RFPL1: variants seen among roughly 807,000 people sequenced by gnomAD.
RFPL1 encodes the protein ret finger protein like 1, also known as ret finger protein-like 1.
Under a neutral mutation model 9.6 loss-of-function variants are expected in RFPL1, and 6 were observed. That is an observed-to-expected ratio of 0.62 (90% CI 0.34 to 1.23). The LOEUF (loss-of-function observed/expected upper bound fraction) is 1.23, where lower values mean the gene tolerates loss of function less well. Ranked by LOEUF, RFPL1 falls within the 50% of genes most tolerant of loss-of-function variation. The pLI is 0.03. For synonymous variants in RFPL1, 145 were observed against 149.4 expected (o/e 0.97, Z 0.22); for missense variants, 352 against 398.4 (o/e 0.88, Z 0.99).
At chr22:29,400,457 T>C in the RFPL1 span, among the ~76,000 whole-genome samples, 1 of 152,242 alleles carries the variant, frequency 6.6e-6, no homozygotes, top group African/African-American at 2.4e-5. Context: ...TCTCCCTTCT[T>C]GATTTTGTAT....
the RFPL1 span, among the ~76,000 whole-genome samples, chr22:29,428,330 A>G: frequency 6.6e-6 from 1 of 152,206 alleles, no homozygotes. Flanking sequence ...TTATAAATAT[A>G]TATGCACCTA....
At chr22:29,410,707 A>T in the RFPL1 span, among the ~76,000 whole-genome samples, 1 of 149,022 alleles carries the variant, frequency 6.7e-6, no homozygotes, top group Non-Finnish European at 1.5e-5. Flanking sequence ...GGCTGGGTTA[A>T]CATGGCACAA....
chr22:29,432,451 T>C, the RFPL1 span, among the ~76,000 whole-genome samples: 1 of 152,198 alleles, frequency 6.6e-6, no homozygotes, highest in Non-Finnish European at 1.5e-5. Flanking sequence ...TTGCTTCAGC[T>C]CAATTCCCCC....
At chr22:29,439,109 G>A (rs758135440) in exon 1 of RFPL1, 52 of 1,614,014 alleles carry the variant, frequency 3.2e-5, no homozygotes, top group Middle Eastern at 1.6e-4. Context: ...TCAAGGAACT[G>A]GAGCCCAAGC....
chr22:29,395,544 G>A, the RFPL1 span, among the ~76,000 whole-genome samples: 1 of 152,072 alleles, frequency 6.6e-6, no homozygotes, highest in African/African-American at 2.4e-5. Context: ...TGTCCTCAGT[G>A]CACCATTTCT....
At chr22:29,421,938 A>C in the RFPL1 span, among the ~76,000 whole-genome samples, 1 of 152,126 alleles carries the variant, frequency 6.6e-6, no homozygotes, top group Non-Finnish European at 1.5e-5. Context: ...AGACCAATAC[A>C]TGAAATGCCT....
chr22:29,410,380 A>AGATATATATATTG, the RFPL1 span, among the ~76,000 whole-genome samples: 3 of 88,602 alleles, frequency 3.4e-5, no homozygotes, highest in African/African-American at 1.4e-4. Context: ...ATCTATATAT[A>AGATATATATATTG]TAGATATATA....
the RFPL1 span, among the ~76,000 whole-genome samples, chr22:29,390,662 C>T: frequency 6.6e-6 from 1 of 151,728 alleles, no homozygotes; most frequent in African/African-American, 2.4e-5. Context: ...GTGGCTCGAT[C>T]TCGGCTCACT....
At chr22:29,398,548 C>G in the RFPL1 span, among the ~76,000 whole-genome samples, 1 of 152,190 alleles carries the variant, frequency 6.6e-6, no homozygotes, top group South Asian at 2.1e-4. Context: ...CCACATGGAT[C>G]TAGATCGGGA....
At chr22:29,405,792 G>C in the RFPL1 span, among the ~76,000 whole-genome samples, 1 of 152,108 alleles carries the variant, frequency 6.6e-6, no homozygotes. Flanking sequence ...CCCGTCCCTC[G>C]GGGCTAATGT....
the RFPL1 span, among the ~76,000 whole-genome samples, chr22:29,424,193 AC>A: frequency 1.3e-5 from 2 of 151,906 alleles, no homozygotes; most frequent in Non-Finnish European, 2.9e-5. Context: ...AAAAAAAAAG[AC>A]CATAGGACAA....
the RFPL1 span, among the ~76,000 whole-genome samples, chr22:29,410,450 A>ATAGAGAGATATATATTG: frequency 1.1e-5 from 1 of 87,130 alleles, no homozygotes; most frequent in African/African-American, 6.1e-5. Context: ...ATATCTATAT[A>ATAGAGAGATATATATTG]TAGATATATA....
the RFPL1 span, among the ~76,000 whole-genome samples, chr22:29,416,403 A>C: frequency 6.6e-6 from 1 of 151,926 alleles, no homozygotes; most frequent in African/African-American, 2.4e-5. Context: ...TTTTTGTATG[A>C]GCCTGTGTCA....
exon 2 of RFPL1, chr22:29,442,127 C>T (rs776510500): frequency 6.0e-6 from 9 of 1,512,074 alleles, no homozygotes; most frequent in Non-Finnish European, 8.0e-6. Context: ...AAATAAGCCC[C>T]CACTGCAAAA....
the RFPL1 span, among the ~76,000 whole-genome samples, chr22:29,401,676 A>T: frequency 6.6e-6 from 1 of 152,176 alleles, no homozygotes; most frequent in Non-Finnish European, 1.5e-5. Flanking sequence ...CTCCAGATGA[A>T]CATAGAGTAT....
At chr22:29,409,418 A>G in the RFPL1 span, among the ~76,000 whole-genome samples, 99,151 of 152,020 alleles carry the variant, frequency 0.65, 34,237 homozygotes, top group African/African-American at 0.88. Context: ...CTCCTTTGCC[A>G]TCCTTCAACA....
chr22:29,407,516 C>G, the RFPL1 span, among the ~76,000 whole-genome samples: 1 of 150,956 alleles, frequency 6.6e-6, no homozygotes, highest in African/African-American at 2.4e-5. Flanking sequence ...TAGAATTTAC[C>G]AGTGAAATCA....
the RFPL1 span, among the ~76,000 whole-genome samples, chr22:29,411,155 A>G: frequency 2.0e-5 from 3 of 152,174 alleles, no homozygotes; most frequent in Admixed American, 6.5e-5. Flanking sequence ...ATCTAATATT[A>G]ACTGACTCCT....
At chr22:29,396,619 T>G in the RFPL1 span, among the ~76,000 whole-genome samples, 2 of 152,100 alleles carry the variant, frequency 1.3e-5, no homozygotes, top group Non-Finnish European at 2.9e-5. Context: ...AATGGGAGCT[T>G]TTGTATTAAT....
Sources: allele counts gnomAD v4.1 joint callset (sites outside exome capture counted in the v4.1 genomes callset), GRCh38; gene constraint gnomAD v4.1.1; transcripts MANE v1.5; gene names NCBI Gene and HGNC (gene_info 2026-07-23, HGNC 2026-07-21).